The following FMN2 variants were observed in gnomAD, a reference collection of about 807,000 sequenced individuals.
FMN2 encodes the protein formin-2.
A neutral mutation model predicts 142.3 loss-of-function variants in FMN2; 51 were observed. That is an observed-to-expected ratio of 0.36 (90% CI 0.29 to 0.45). FMN2 has a LOEUF of 0.45. Ranked by LOEUF, FMN2 falls within the 20% of genes least tolerant of loss-of-function variation. The probability of loss-of-function intolerance (pLI) is 1.00; values close to 1 mark genes in which losing one functional copy is unlikely to be tolerated. For synonymous variants in FMN2, 882 were observed against 869.8 expected (o/e 1.01, Z -0.25); for missense variants, 1,936 against 2,122.8 (o/e 0.91, Z 1.73).
chr1:240,266,715 G>T (rs942285890), intron 7 of FMN2, among the ~76,000 whole-genome samples: 2 of 151,878 alleles, frequency 1.3e-5, no homozygotes, highest in Non-Finnish European at 2.9e-5. Context: ...TATTATTACA[G>T]AGACCAAAAC....
At chr1:240,197,110 AC>A (rs1422638418) in intron 4 of FMN2, among the ~76,000 whole-genome samples, 1 of 151,684 alleles carries the variant, frequency 6.6e-6, no homozygotes, top group Non-Finnish European at 1.5e-5. Context: ...TTTCTGCCCC[AC>A]CCCCCAGCCT....
At chr1:240,398,486 T>C (rs377206494) in intron 15 of FMN2, among the ~76,000 whole-genome samples, 5 of 152,326 alleles carry the variant, frequency 3.3e-5, no homozygotes, top group African/African-American at 1.2e-4. Flanking sequence ...AAAAAATTAC[T>C]AGCAAATGAC....
intron 3 of FMN2, among the ~76,000 whole-genome samples, chr1:240,187,055 A>T (rs562530774): frequency 1.1e-4 from 17 of 151,000 alleles, no homozygotes; most frequent in East Asian, 9.8e-4. Context: ...TCACGAGGTC[A>T]GGAGTTCGAG....
At chr1:240,170,178 C>G in intron 2 of FMN2, 4 of 1,068,740 alleles carry the variant, frequency 3.7e-6, no homozygotes, top group Non-Finnish European at 5.6e-6. Flanking sequence ...ACATGGTGAA[C>G]CAGGTTATCA....
chr1:240,422,805 G>A (rs906736405), intron 15 of FMN2, among the ~76,000 whole-genome samples: 1 of 152,008 alleles, frequency 6.6e-6, no homozygotes, highest in African/African-American at 2.4e-5. Flanking sequence ...CCTAATTTTA[G>A]GAACTTTTCT....
chr1:240,129,887 C>T (rs568526197), intron 2 of FMN2, among the ~76,000 whole-genome samples: 3 of 152,226 alleles, frequency 2.0e-5, no homozygotes, highest in East Asian at 3.9e-4. Flanking sequence ...CTCCTTCTTC[C>T]TTCTAATATA....
chr1:240,252,492 A>T (rs1360471262), intron 6 of FMN2, among the ~76,000 whole-genome samples: 2 of 149,698 alleles, frequency 1.3e-5, no homozygotes, highest in African/African-American at 4.9e-5. Context: ...GAAAGACTGT[A>T]TTTCTCCATC....
chr1:240,207,235 C>T lies in FMN2; in HGVS notation c.2423C>T (p.Ser808Leu), dbSNP rs753061189. 1.5e-5 allele frequency: 25 copies of T among 1,613,918 alleles called. 1 individual carries two copies. The highest frequency in any genetic ancestry group is 3.3e-4 in the Middle Eastern group (2 of 6,082). Residue 808 changes from serine (S) to leucine (L), a missense_variant, in exon 5 of 18, where the codon TCA (serine) becomes TTA (leucine). Around this residue, in one of 8 missense-constraint regions of FMN2, gnomAD observed 478 missense variants for 462.8 expected, o/e 1.03. Coordinates refer to ENST00000319653, the MANE Select transcript of FMN2 (RefSeq NM_020066.5). ...LDSHQPTQSISQPPPPPSLLW... is the reference protein window; with the variant it reads ...LDSHQPTQSILQPPPPPSLLW... ...AGCCATCAGCCCACACAGAGCATCT[C>T]ACAGCCTCCACCACCTCCATCCCTT...
intron 14 of FMN2, among the ~76,000 whole-genome samples, chr1:240,370,262 T>C (rs1672819617): frequency 6.6e-6 from 1 of 152,200 alleles, no homozygotes; most frequent in Admixed American, 6.5e-5. Flanking sequence ...CTTTTTTGTG[T>C]TCTTTGTTCT....
At chr1:240,132,064 G>A (rs6698474) in intron 2 of FMN2, among the ~76,000 whole-genome samples, 44,781 of 152,066 alleles carry the variant, frequency 0.29, 7,220 homozygotes, top group Middle Eastern at 0.38. Context: ...GACAGGACTT[G>A]CCATTTGATT....
At chr1:240,140,096 C>T (rs1663116773) in intron 2 of FMN2, among the ~76,000 whole-genome samples, 1 of 152,104 alleles carries the variant, frequency 6.6e-6, no homozygotes, top group African/African-American at 2.4e-5. Context: ...TGAGTGCTTG[C>T]ATTGGCTTAC....
At chr1:240,315,851 T>C (rs1670764156) in intron 8 of FMN2, among the ~76,000 whole-genome samples, 1 of 152,164 alleles carries the variant, frequency 6.6e-6, no homozygotes, top group African/African-American at 2.4e-5. Flanking sequence ...ACCCATAAAC[T>C]CTTGAATGTG....
rs566612572 is a variant in FMN2, at chr1:240,219,445, A to G, written c.4065+8210A>G. ...CAGAAGGGATGCTGGTGATGACACT[A>G]GTCAGATTATTCACAACCAAACTTC... On this transcript the variant is annotated intron_variant, in intron 6 of 17. Coordinates refer to ENST00000319653, the MANE Select transcript of FMN2 (RefSeq NM_020066.5). Among the ~76,000 whole-genome samples the G allele has an allele frequency of 2.7e-3, 417 of 152,288 alleles. 3 individuals are homozygous for G. In the South Asian group the frequency reaches 0.028, roughly 10 times the overall value.
intron 3 of FMN2, among the ~76,000 whole-genome samples, chr1:240,181,943 C>T (rs192094989): frequency 5.9e-5 from 9 of 152,276 alleles, no homozygotes; most frequent in East Asian, 3.9e-4. Context: ...GAATGCTTTA[C>T]GTATTGAATT....
intron 4 of FMN2, among the ~76,000 whole-genome samples, chr1:240,194,057 T>C (rs934663963): frequency 6.8e-6 from 1 of 148,042 alleles, no homozygotes; most frequent in Admixed American, 6.6e-5. Context: ...TGTTTGTTTT[T>C]TGTTGTTGTT....
intron 15 of FMN2, among the ~76,000 whole-genome samples, chr1:240,418,887 A>G (rs1299671041): frequency 1.3e-5 from 2 of 152,200 alleles, no homozygotes; most frequent in East Asian, 1.9e-4. Context: ...CAGGTGGATC[A>G]CCTGAGGTCA....
intron 14 of FMN2, among the ~76,000 whole-genome samples, chr1:240,370,808 C>T (rs554353958): frequency 6.6e-6 from 1 of 152,114 alleles, no homozygotes; most frequent in African/African-American, 2.4e-5. Context: ...CTGATAGTAA[C>T]CTTCAGTCTT....
At chr1:240,271,571 A>G (rs997294366) in intron 7 of FMN2, among the ~76,000 whole-genome samples, 2 of 152,016 alleles carry the variant, frequency 1.3e-5, no homozygotes, top group South Asian at 4.1e-4. Context: ...AGACATTAAA[A>G]ATGTACTAAA....
intron 6 of FMN2, among the ~76,000 whole-genome samples, chr1:240,256,751 A>AAAAC (rs112526403): frequency 0.027 from 4,137 of 152,112 alleles, 179 homozygotes; most frequent in African/African-American, 0.095. Flanking sequence ...ACTCCATCTC[A>AAAAC]AAACAAACAA....
Sources: gnomAD v4.1 joint callset for allele counts (sites outside exome capture counted in the v4.1 genomes callset) on GRCh38, gnomAD v4.1.1 for gene constraint, gnomAD v4.1.1 regional missense constraint, MANE v1.5 for transcripts, NCBI Gene and HGNC (gene_info 2026-07-23, HGNC 2026-07-21) for gene names.